Variants in ALPK2 observed in about 807,000 individuals in gnomAD.
ALPK2 encodes alpha-protein kinase 2.
ALPK2 carries 127 observed loss-of-function variants against 163.1 expected under a neutral mutation model. That is an observed-to-expected ratio of 0.78 (90% CI 0.67 to 0.90). The LOEUF is 0.90. Among genes scored for constraint, ALPK2 ranks in the 40% least tolerant of loss-of-function variants. ALPK2 has a pLI of 0.00. For missense variants in ALPK2, 2,360 were observed against 2,589.6 expected (o/e 0.91, Z 1.92); for synonymous variants, 953 against 959.1 (o/e 0.99, Z 0.12).
chr18:58,588,876 A>C (rs1000016844), intron 3 of ALPK2, among the ~76,000 whole-genome samples: 3 of 152,134 alleles, frequency 2.0e-5, no homozygotes, highest in Admixed American at 1.3e-4. Flanking sequence ...TGCTATTGTG[A>C]ATGGTGCTGC....
Position 58,525,760 on chromosome 18 carries a change from C to T in ALPK2, c.5502-1698G>A, listed in dbSNP as rs897975873. 4.6e-5 allele frequency among the ~76,000 whole-genome samples: 7 copies of T among 151,922 alleles called. No homozygotes were observed. In the South Asian group the frequency reaches 6.2e-4, roughly 14 times the overall value. On this transcript the variant is annotated intron_variant, in intron 6 of 12. Coordinates refer to ENST00000361673, the MANE Select transcript of ALPK2 (RefSeq NM_052947.4). ...CATGAGGAGTAACGTGTCATGACAC[C>T]GGCGTGTGAAGCTTCAGCGAAAAGC...
At chr18:58,584,416 AT>A (rs1262179732) in intron 3 of ALPK2, among the ~76,000 whole-genome samples, 1 of 152,168 alleles carries the variant, frequency 6.6e-6, no homozygotes, top group Non-Finnish European at 1.5e-5. Context: ...GAAAGGAGTT[AT>A]TTCCCCAAAG....
At chr18:58,557,697 T>C (rs1245141625) in intron 4 of ALPK2, among the ~76,000 whole-genome samples, 1 of 105,908 alleles carries the variant, frequency 9.4e-6, no homozygotes, top group Admixed American at 9.1e-5. Context: ...TGTATATATA[T>C]ATATTTATAT....
intron 3 of ALPK2, among the ~76,000 whole-genome samples, chr18:58,602,432 T>A (rs1460428620): frequency 4.6e-5 from 7 of 152,328 alleles, no homozygotes; most frequent in African/African-American, 1.7e-4. Flanking sequence ...CAAGCCATGG[T>A]CCCTCAAAGG....
intron 8 of ALPK2, among the ~76,000 whole-genome samples, 169 bp downstream of exon 8, chr18:58,523,637 G>A (rs2051567596): frequency 6.6e-6 from 1 of 151,974 alleles, no homozygotes; most frequent in Non-Finnish European, 1.5e-5. Flanking sequence ...TCTCATTGTG[G>A]TTTTGATTTG....
In ALPK2 at chr18:58,536,888, G is replaced by A. The variant is rs1332532006; in HGVS notation, c.3299C>T (p.Pro1100Leu). The A allele has an allele frequency of 1.2e-6, 2 of 1,614,048 alleles. No homozygotes were observed. The highest frequency in any genetic ancestry group is 2.7e-5 in the African/African-American group (2 of 74,926). The stretch of plus-strand genomic sequence containing the variant: ...TCCAGACAGGTTATCAACCTGAAGA[G>A]GGGAATTACTGCAGAAACCCTCTCC... Reference protein sequence around the residue: ...PEGEGFCSNSPLQVDNLSGDK... With the variant: ...PEGEGFCSNSLLQVDNLSGDK... Residue 1100 changes from proline to leucine, a missense_variant, in exon 5 of 13, where the codon CCT becomes CTT. Pro to Leu is a moderately conservative substitution (Grantham distance 98). Transcript: ENST00000361673.
chr18:58,581,154 T>C (rs182476508), intron 3 of ALPK2, among the ~76,000 whole-genome samples: 1 of 152,362 alleles, frequency 6.6e-6, no homozygotes, highest in African/African-American at 2.4e-5. Flanking sequence ...TTTTACATCA[T>C]TTTTATGTTA....
At chr18:58,572,473 A>G (rs1466222995) in intron 4 of ALPK2, among the ~76,000 whole-genome samples, 2 of 152,228 alleles carry the variant, frequency 1.3e-5, no homozygotes, top group African/African-American at 2.4e-5. Flanking sequence ...AGAGCAAAAA[A>G]CTGGAATCAG....
At chr18:58,611,396 CAAGA>C (rs1393190525) in intron 2 of ALPK2, among the ~76,000 whole-genome samples, 1 of 151,734 alleles carries the variant, frequency 6.6e-6, no homozygotes, top group East Asian at 1.9e-4. Flanking sequence ...TAAGGACACC[CAAGA>C]AAGAAAGAAA....
intron 9 of ALPK2, among the ~76,000 whole-genome samples, 194 bp from the exon 10 acceptor site, chr18:58,515,275 C>G (rs4940399): frequency 0.77 from 116,382 of 152,080 alleles, 45,864 homozygotes; most frequent in East Asian, 0.97. Flanking sequence ...TCTGAGACGT[C>G]AAGGAACTGT....
At position 58,535,218 on chromosome 18, in the gene ALPK2, A is replaced by G; in HGVS notation, c.4969T>C (p.Ser1657Pro). The change falls in exon 5 of 13, where the codon TCA (serine) becomes CCA (proline). Residue 1657 changes from serine to proline, a missense_variant. Physicochemically the swap from Ser to Pro is moderately conservative, Grantham distance 74 (BLOSUM62 -1). Transcript: ENST00000361673. ...GCTTTCTCTAACTCACGTTCTCCTG[A>G]AATAAATGCCAAGGTCTTCGCTGAG... is the stretch of plus-strand genomic sequence containing the variant. ...SSSAKTLAFI[S>P]GERELEKAPK... 6.2e-7 allele frequency: 1 copy of G among 1,614,066 alleles called. No homozygotes were observed.
intron 8 of ALPK2, among the ~76,000 whole-genome samples, chr18:58,519,504 A>AT (rs1480265771): frequency 6.6e-6 from 1 of 152,210 alleles, no homozygotes; most frequent in Non-Finnish European, 1.5e-5. Context: ...AATTCAGCAA[A>AT]TCTAATTAAC....
chr18:58,619,381 C>A (rs2052186604), intron 1 of ALPK2, among the ~76,000 whole-genome samples: 1 of 152,096 alleles, frequency 6.6e-6, no homozygotes, highest in Non-Finnish European at 1.5e-5. Context: ...AAACATGAGT[C>A]CAGATTTGCT....
chr18:58,492,285 C>T (rs2051379595), intron 12 of ALPK2, among the ~76,000 whole-genome samples: 2 of 152,102 alleles, frequency 1.3e-5, no homozygotes, highest in South Asian at 2.1e-4. Flanking sequence ...GACATATATA[C>T]GCGCACACAC....
At chr18:58,628,287 A>AT (rs2052242186) in intron 1 of ALPK2, among the ~76,000 whole-genome samples, 1 of 152,176 alleles carries the variant, frequency 6.6e-6, no homozygotes, top group African/African-American at 2.4e-5. Flanking sequence ...GATAGGAGAG[A>AT]TTTTCAATCA....
Position 58,536,886 on chromosome 18 carries a change from G to T in ALPK2, c.3301C>A (p.Leu1101Ile). 1 of 1,614,220 alleles carries T rather than the reference G, an allele frequency of 6.2e-7. No homozygotes were observed. The highest frequency in any genetic ancestry group is 1.7e-5 in the Admixed American group (1 of 60,028). ...TCTCCAGACAGGTTATCAACCTGAA[G>T]AGGGGAATTACTGCAGAAACCCTCT... is the stretch of plus-strand genomic sequence containing the variant. ...EGEGFCSNSPLQVDNLSGDKS... is the reference protein window; with the variant it reads ...EGEGFCSNSPIQVDNLSGDKS... The change falls in exon 5 of 13, where the codon CTT becomes ATT. Residue 1101 changes from leucine (L) to isoleucine (I), a missense_variant. Leu to Ile is a conservative substitution (Grantham distance 5, BLOSUM62 2). Coordinates refer to ENST00000361673, the MANE Select transcript of ALPK2 (RefSeq NM_052947.4).
intron 11 of ALPK2, among the ~76,000 whole-genome samples, chr18:58,502,312 G>A (rs950983284): frequency 9.2e-5 from 14 of 152,002 alleles, no homozygotes; most frequent in African/African-American, 2.4e-4. Context: ...CTGTGTTTGC[G>A]CCACTGCACT....
intron 6 of ALPK2, among the ~76,000 whole-genome samples, chr18:58,524,629 TTGG>T (rs1394975684): frequency 1.3e-5 from 2 of 152,182 alleles, no homozygotes; most frequent in African/African-American, 4.8e-5. Flanking sequence ...GGTGGTCATA[TTGG>T]TGGTGATGAT....
intron 3 of ALPK2, among the ~76,000 whole-genome samples, chr18:58,606,092 T>C (rs998206603): frequency 2.0e-5 from 3 of 152,214 alleles, no homozygotes; most frequent in Admixed American, 6.5e-5. Context: ...TATTTACTTA[T>C]TTTTGTGACA....
Sources: gnomAD v4.1 joint callset for allele counts (sites outside exome capture counted in the v4.1 genomes callset) on GRCh38, gnomAD v4.1.1 for gene constraint, MANE v1.5 for transcripts, NCBI Gene and HGNC (gene_info 2026-07-23, HGNC 2026-07-21) for gene names.